The following MPHOSPH9 variants were observed in gnomAD, a reference collection of about 807,000 sequenced individuals.
The protein encoded by MPHOSPH9 is M-phase phosphoprotein 9.
MPHOSPH9 carries 88 observed loss-of-function variants against 145.5 expected under a neutral mutation model. That is an observed-to-expected ratio of 0.60 (90% CI 0.51 to 0.72). MPHOSPH9 has a LOEUF of 0.72. MPHOSPH9 is among the 30% of genes least tolerant of loss of function. The pLI, the probability that MPHOSPH9 is intolerant of heterozygous loss-of-function variation, is 0.00. For missense variants in MPHOSPH9, 1,238 were observed against 1,386.6 expected (o/e 0.89, Z 1.70); for synonymous variants, 435 against 486.2 (o/e 0.89, Z 1.39).
At position 123,202,747 on chromosome 12, in the gene MPHOSPH9, T is replaced by C; in HGVS notation, c.1658A>G (p.Asp553Gly). The change falls in exon 10 of 24, where the codon GAT (aspartate) becomes GGT (glycine). Residue 553 changes from aspartate to glycine, a missense_variant. Around this residue, in one of 3 missense-constraint regions of MPHOSPH9, gnomAD observed 837 missense variants for 897.5 expected, o/e 0.93. Transcript: ENST00000606320. ...AGCAACCATGACAGTGTTTTCTTCA[T>C]CTACAGTGTTGACCGAGATATCATT... is the stretch of plus-strand genomic sequence containing the variant. Reference protein sequence around the residue: ...TSNDISVNTVDEENTVMVASA... With the variant: ...TSNDISVNTVGEENTVMVASA... 6.2e-7 allele frequency: 1 copy of C among 1,614,214 alleles called. No homozygotes were observed. Among genetic ancestry groups the C allele is most frequent in the South Asian group, 1.1e-5 (1 of 91,088 alleles).
In MPHOSPH9 at chr12:123,176,739, A is replaced by T. The variant is rs1039540347; in HGVS notation, c.2405T>A (p.Met802Lys). Residue 802 changes from methionine to lysine, a missense_variant, in exon 16 of 24, where the codon ATG becomes AAG. Transcript: ENST00000606320. ...AQVKQVEHEN[M>K]LSLRHNSRIH... is the part of the protein sequence containing the mutation. Reference sequence around the variant, plus strand: ...TCTAGAATTATGACGAAGGCTTAACATATTTTCATGTTCTACTTGCTTGAC... The same window carrying T: ...TCTAGAATTATGACGAAGGCTTAACTTATTTTCATGTTCTACTTGCTTGAC... The T allele has an allele frequency of 1.9e-6, 3 of 1,613,942 alleles. No homozygotes were observed. The Admixed American group carries it at 5.0e-5, about 27-fold the overall frequency.
intron 4 of MPHOSPH9, among the ~76,000 whole-genome samples, chr12:123,222,475 C>G (rs940075796): frequency 1.3e-5 from 2 of 151,934 alleles, no homozygotes; most frequent in African/African-American, 4.8e-5. Context: ...ACCAGCCTGG[C>G]CAACATGGTT....
At chr12:123,198,205 C>G (rs1565939181) in intron 12 of MPHOSPH9, 42 bp downstream of exon 12, 1 of 1,398,748 alleles carries the variant, frequency 7.1e-7, no homozygotes, top group Admixed American at 1.9e-5. Flanking sequence ...CGAAATAATT[C>G]ATTTGTCTCA....
chr12:123,232,214 C>T (rs2047672457), intron 1 of MPHOSPH9, among the ~76,000 whole-genome samples: 1 of 151,744 alleles, frequency 6.6e-6, no homozygotes, highest in Non-Finnish European at 1.5e-5. Context: ...ACCTGCAACC[C>T]CATCTATTAT....
In MPHOSPH9 at chr12:123,163,122, A is replaced by G. The variant is rs1449651424; in HGVS notation, c.2921T>C (p.Ile974Thr). 3 of 1,581,274 alleles carry G rather than the reference A, an allele frequency of 1.9e-6. No individual in the cohort carries two copies. The South Asian group carries it at 3.6e-5, about 19-fold the overall frequency. ...AGCCACAGTCACTGGTGTTAGCATA[A>G]TCTCTCTTTTTGCTATAGAAGAAAA... ...RKSSTPTKRE[I>T]MLTPVTVAYS... The change falls in exon 20 of 24, where the codon ATT becomes ACT. Residue 974 changes from isoleucine (I) to threonine (T), a missense_variant. Physicochemically the swap from Ile to Thr is moderately conservative, Grantham distance 89. Coordinates refer to ENST00000606320, the MANE Select transcript of MPHOSPH9 (RefSeq NM_022782.4).
chr12:123,194,419 A>G lies in MPHOSPH9; in HGVS notation c.2208T>C (p.Ala736=). The G allele has an allele frequency of 6.2e-7, 1 of 1,602,248 alleles. No individual in the cohort carries two copies. Among genetic ancestry groups the G allele is most frequent in the Non-Finnish European group, 8.5e-7 (1 of 1,175,720 alleles). The change falls in exon 13 of 24, where the codon GCT becomes GCC. Residue 736 remains alanine (A), a synonymous_variant. Coordinates refer to ENST00000606320, the MANE Select transcript of MPHOSPH9 (RefSeq NM_022782.4). ...NAYKLSDDKE[A]QLKQENKMFQ... ...ACATTTTGTTCTCTTGTTTTAGTTG[A>G]GCTTCTTTATCATCTGAGAGTTTGT...
intron 8 of MPHOSPH9, among the ~76,000 whole-genome samples, chr12:123,208,188 CAAA>C (rs35626958): frequency 1.6e-4 from 14 of 85,174 alleles, no homozygotes; most frequent in African/African-American, 2.7e-4. Flanking sequence ...GACTCCGTCT[CAAA>C]AAAAAAAAAA....
At chr12:123,242,875 G>A (rs1036134910) in intron 1 of MPHOSPH9, among the ~76,000 whole-genome samples, 6 of 152,166 alleles carry the variant, frequency 3.9e-5, no homozygotes, top group Admixed American at 6.5e-5. Flanking sequence ...ACCAGCTAGC[G>A]GATGAGAAAC....
At chr12:123,226,353 T>G (rs1252139739) in intron 3 of MPHOSPH9, 2 of 1,180,598 alleles carry the variant, frequency 1.7e-6, no homozygotes, top group Non-Finnish European at 2.2e-6. Context: ...CTCTACATTC[T>G]GAAAAATAAC....
chr12:123,218,359 A>G lies in MPHOSPH9; in HGVS notation c.996+17T>C. On this transcript the variant is annotated intron_variant, in intron 6 of 23. Coordinates refer to ENST00000606320, the MANE Select transcript of MPHOSPH9 (RefSeq NM_022782.4). ...CATCAGTACTGGAGCCCGCAGGGAAAGTGACTAGTCACCTACTTTCTCAAT... is the reference window on the plus strand; with the variant it reads ...CATCAGTACTGGAGCCCGCAGGGAAGGTGACTAGTCACCTACTTTCTCAAT... 1 of 1,613,782 alleles carries G rather than the reference A, an allele frequency of 6.2e-7. No individual in the cohort carries two copies. The highest frequency in any genetic ancestry group is 8.5e-7 in the Non-Finnish European group (1 of 1,179,736).
At chr12:123,179,457 C>T (rs766949814) in intron 15 of MPHOSPH9, among the ~76,000 whole-genome samples, 42 of 152,162 alleles carry the variant, frequency 2.8e-4, no homozygotes, top group Non-Finnish European at 5.0e-4. Context: ...CTCCTGTAGT[C>T]CCAGCTACTC....
intron 14 of MPHOSPH9, 70 bp from the exon 15 acceptor site, chr12:123,180,060 A>C (rs1040025626): frequency 2.3e-5 from 19 of 842,260 alleles, no homozygotes; most frequent in Non-Finnish European, 3.2e-5. Context: ...AAAATGCATA[A>C]AAGAAAATGA....
chr12:123,220,953 A>G (rs2047172453), intron 5 of MPHOSPH9, among the ~76,000 whole-genome samples: 1 of 151,820 alleles, frequency 6.6e-6, no homozygotes, highest in Non-Finnish European at 1.5e-5. Flanking sequence ...TACTCAGGAG[A>G]CTGAGGCAGA....
intron 17 of MPHOSPH9, 68 bp downstream of exon 17, chr12:123,166,587 T>C (rs2044329590): frequency 6.4e-7 from 1 of 1,564,330 alleles, no homozygotes; most frequent in South Asian, 1.2e-5. Flanking sequence ...CCCAAACTTT[T>C]AAAAGCAATT....
intron 16 of MPHOSPH9, among the ~76,000 whole-genome samples, chr12:123,173,082 G>C (rs1473473554): frequency 6.6e-6 from 1 of 151,458 alleles, no homozygotes; most frequent in African/African-American, 2.4e-5. Flanking sequence ...CGCCATGTTG[G>C]CCAGGCTGGT....
At chr12:123,157,931 T>C (rs987018764) in intron 23 of MPHOSPH9, among the ~76,000 whole-genome samples, 3 of 152,052 alleles carry the variant, frequency 2.0e-5, no homozygotes, top group Non-Finnish European at 4.4e-5. Flanking sequence ...AAAAAAAAAC[T>C]GTTCCTCTTT....
chr12:123,202,137 A>C (rs899190130), intron 11 of MPHOSPH9, 27 bp downstream of exon 11: 1 of 1,579,008 alleles, frequency 6.3e-7, no homozygotes, highest in Non-Finnish European at 8.6e-7. Flanking sequence ...GGTGGAGAAA[A>C]CTTCACAGCT....
chr12:123,178,027 G>A (rs746072357), intron 15 of MPHOSPH9, among the ~76,000 whole-genome samples: 14 of 152,118 alleles, frequency 9.2e-5, no homozygotes, highest in Non-Finnish European at 2.1e-4. Flanking sequence ...AAGATATCCT[G>A]GCATTCATGC....
chr12:123,197,362 A>T (rs532187777), intron 12 of MPHOSPH9, among the ~76,000 whole-genome samples: 1 of 151,722 alleles, frequency 6.6e-6, no homozygotes, highest in South Asian at 2.1e-4. Context: ...GTAGAGACAG[A>T]GGTCTCTGTA....
Sources: gnomAD v4.1 joint callset for allele counts (sites outside exome capture counted in the v4.1 genomes callset) on GRCh38, gnomAD v4.1.1 for gene constraint, gnomAD v4.1.1 regional missense constraint, MANE v1.5 for transcripts, NCBI Gene and HGNC (gene_info 2026-07-23, HGNC 2026-07-21) for gene names.